Variants in TRPM6 observed in about 807,000 individuals in gnomAD.
TRPM6 encodes channel kinase 2.
In TRPM6, 111 loss-of-function variants were observed where a neutral mutation model predicts 247.6. The ratio of observed to expected loss-of-function variants is 0.45; its 90% CI spans 0.38 to 0.52. The LOEUF (loss-of-function observed/expected upper bound fraction) is 0.52. TRPM6 is among the 20% of genes least tolerant of loss of function. The pLI, the probability that TRPM6 is intolerant of heterozygous loss-of-function variation, is 0.00. For missense variants in TRPM6, 2,126 were observed against 2,421.5 expected (o/e 0.88, Z 2.56); for synonymous variants, 892 against 853.8 (o/e 1.04, Z -0.78).
chr9:74,763,273 C>A (rs1157329635), intron 25 of TRPM6, 139 bp from the exon 26 acceptor site: 1 of 818,898 alleles, frequency 1.2e-6, no homozygotes, highest in Non-Finnish European at 2.0e-6. Context: ...TTGCCTTCTT[C>A]TTCGCCCAAT....
At chr9:74,844,256 G>C (rs73534398) in intron 3 of TRPM6, among the ~76,000 whole-genome samples, 2,750 of 152,278 alleles carry the variant, frequency 0.018, 90 homozygotes, top group African/African-American at 0.063. Flanking sequence ...CCTAACAAGA[G>C]AGTCAGCCTG....
At chr9:74,854,333 A>G (rs1456429892) in intron 3 of TRPM6, among the ~76,000 whole-genome samples, 1 of 152,214 alleles carries the variant, frequency 6.6e-6, no homozygotes, top group Non-Finnish European at 1.5e-5. Context: ...GAGAGTTTCT[A>G]AAGAATATAG....
chr9:74,862,096 GA>G lies in TRPM6; in HGVS notation c.34-3349del, dbSNP rs577562437. On this transcript the variant is annotated intron_variant, in intron 1 of 38. Transcript: ENST00000360774. ...CGGTTATCTTATCTCAAAACTACCA[GA>G]AAAAAAAAAAAAAAAAAAAAGCAGC... Among the ~76,000 whole-genome samples the G allele has an allele frequency of 2.8e-3, 283 of 100,526 alleles. 1 individual carries two copies. Among genetic ancestry groups the G allele is most frequent in the African/African-American group, 9.0e-3 (226 of 25,058 alleles). 65.9% of individuals were successfully genotyped at this position (100,526 alleles called of 152,430 possible). A position where few individuals can be genotyped will look rare whatever the true frequency, so the allele number is the denominator to read the frequency against.
At chr9:74,796,135 AT>A (rs1485313182) in intron 18 of TRPM6, among the ~76,000 whole-genome samples, 1 of 152,192 alleles carries the variant, frequency 6.6e-6, no homozygotes. Context: ...TGCCTAGAAA[AT>A]TCTAAAAACA....
At chr9:74,786,540 A>G (rs570274036) in intron 20 of TRPM6, among the ~76,000 whole-genome samples, 1 of 151,614 alleles carries the variant, frequency 6.6e-6, no homozygotes, top group African/African-American at 2.4e-5. Flanking sequence ...GGAGATCGAG[A>G]TCATCCTGGC....
chr9:74,863,957 C>T (rs1830768919), intron 1 of TRPM6, among the ~76,000 whole-genome samples: 1 of 151,566 alleles, frequency 6.6e-6, no homozygotes, highest in South Asian at 2.1e-4. Context: ...GATAACAGGT[C>T]ATTTGTTTTC....
chr9:74,739,817 C>T lies in TRPM6; in HGVS notation c.5393G>A (p.Gly1798Glu). The stretch of plus-strand genomic sequence containing the variant: ...AAAGGACTTGACAATGAAAACTTGT[C>T]CCGGCTTGAGAATGTCATCCTCAGA... ...TWSEDDILKP[G>E]QVFIVKSFLP... Residue 1798 changes from glycine to glutamate, a missense_variant, in exon 34 of 39, where the codon GGA (glycine) becomes GAA (glutamate). Gly to Glu is a moderately conservative substitution (Grantham distance 98). Coordinates refer to ENST00000360774, the MANE Select transcript of TRPM6 (RefSeq NM_017662.5). 6.2e-7 allele frequency: 1 copy of T among 1,614,122 alleles called. No homozygotes were observed. The highest frequency in any genetic ancestry group is 1.7e-5 in the Admixed American group (1 of 60,006).
chr9:74,756,269 A>T (rs893668372), intron 27 of TRPM6, among the ~76,000 whole-genome samples: 1 of 152,162 alleles, frequency 6.6e-6, no homozygotes, highest in African/African-American at 2.4e-5. Flanking sequence ...TTGTCTCAAT[A>T]CTAATCTCTT....
chr9:74,805,511 T>G (rs1012413656), intron 14 of TRPM6, among the ~76,000 whole-genome samples: 2 of 152,110 alleles, frequency 1.3e-5, no homozygotes, highest in African/African-American at 4.8e-5. Flanking sequence ...CAGAACCAAA[T>G]GAGGAGGCCA....
At chr9:74,753,110 C>CAA (rs35980332) in intron 28 of TRPM6, among the ~76,000 whole-genome samples, 33,011 of 103,768 alleles carry the variant, frequency 0.32, 5,084 homozygotes, top group Middle Eastern at 0.44. Context: ...GAGACTGTCT[C>CAA]AAAAAAAAAA....
chr9:74,851,941 C>T (rs1830333083), intron 3 of TRPM6, among the ~76,000 whole-genome samples: 1 of 151,298 alleles, frequency 6.6e-6, no homozygotes, highest in Non-Finnish European at 1.5e-5. Flanking sequence ...GCCTGGGCAA[C>T]ATAGCAAGAA....
intron 36 of TRPM6, chr9:74,737,437 C>T (rs779276803): frequency 7.8e-7 from 1 of 1,289,706 alleles, no homozygotes; most frequent in South Asian, 1.2e-5. Context: ...GCATAGAATC[C>T]CAGAACCAGA....
intron 21 of TRPM6, among the ~76,000 whole-genome samples, chr9:74,783,978 G>A (rs1033142121): frequency 2.0e-5 from 3 of 152,258 alleles, no homozygotes; most frequent in South Asian, 4.2e-4. Flanking sequence ...AAAGCCGGCC[G>A]GGCTCAGTAG....
intron 3 of TRPM6, among the ~76,000 whole-genome samples, chr9:74,851,755 A>T (rs1290176406): frequency 2.5e-4 from 35 of 139,014 alleles, no homozygotes; most frequent in African/African-American, 8.4e-4. Context: ...TCTCAAAAAA[A>T]AAAAAAAAAT....
intron 5 of TRPM6, among the ~76,000 whole-genome samples, chr9:74,838,789 A>T (rs1326196617): frequency 6.6e-6 from 1 of 152,100 alleles, no homozygotes; most frequent in Admixed American, 6.6e-5. Flanking sequence ...CCAAATCAAA[A>T]GAGAGAAAAG....
intron 17 of TRPM6, among the ~76,000 whole-genome samples, chr9:74,797,802 A>G (rs962814564): frequency 1.3e-5 from 2 of 152,204 alleles, no homozygotes; most frequent in African/African-American, 4.8e-5. Flanking sequence ...TTATTTTTCA[A>G]TGAGCACACT....
Position 74,781,536 on chromosome 9 carries a change from CA to C in TRPM6, c.3209+825del, listed in dbSNP as rs35938872. 8.9e-3 allele frequency among the ~76,000 whole-genome samples: 834 copies of C among 93,496 alleles called. 6 individuals are homozygous for C. The highest frequency in any genetic ancestry group is 0.024 in the South Asian group (52 of 2,166). The allele number at this position is 93,496 out of a possible 152,430, so 61.3% of individuals were successfully genotyped here. On this transcript the variant is annotated intron_variant, in intron 23 of 38. Transcript: ENST00000360774. ...TGGGTAACAGAGCAAGACTCTATCT[CA>C]AAAAAAAAAAAAAAAAGAAGAAAAA... is the stretch of plus-strand genomic sequence containing the variant.
At chr9:74,738,326 A>G (rs1825757872) in intron 36 of TRPM6, 81 bp downstream of exon 36, 13 of 1,446,136 alleles carry the variant, frequency 9.0e-6, no homozygotes, top group Non-Finnish European at 1.3e-5. Context: ...GCAACTCCAT[A>G]TATTACCCAT....
intron 5 of TRPM6, among the ~76,000 whole-genome samples, chr9:74,837,689 A>T (rs1587562370): frequency 6.8e-6 from 1 of 147,108 alleles, no homozygotes; most frequent in East Asian, 2.0e-4. Flanking sequence ...CTTGTGATCC[A>T]CCCACCTTGG....
Sources: allele counts gnomAD v4.1 joint callset (sites outside exome capture counted in the v4.1 genomes callset), GRCh38; gene constraint gnomAD v4.1.1; transcripts MANE v1.5; gene names NCBI Gene and HGNC (gene_info 2026-07-23, HGNC 2026-07-21).